AHRR: variants seen among roughly 807,000 people sequenced by gnomAD.
The protein encoded by AHRR is aryl hydrocarbon receptor repressor, also known as ahR repressor.
In AHRR, 28 loss-of-function variants were observed where a neutral mutation model predicts 44.0. The observed-to-expected ratio is 0.64, with a 90% CI of 0.47 to 0.87. AHRR has a LOEUF of 0.87. AHRR is among the 40% of genes least tolerant of loss of function. The pLI, the probability that AHRR is intolerant of heterozygous loss-of-function variation, is 0.00. For missense variants in AHRR, 990 were observed against 953.9 expected (o/e 1.04, Z -0.50); for synonymous variants, 434 against 407.0 (o/e 1.07, Z -0.80).
chr5:374,664 A>G (rs1743714626), intron 3 of AHRR, among the ~76,000 whole-genome samples: 1 of 152,192 alleles, frequency 6.6e-6, no homozygotes, highest in South Asian at 2.1e-4. Context: ...AGGGAGGGGA[A>G]CAGAGAGGCC....
At chr5:351,362 C>T (rs1303647750) in intron 2 of AHRR, among the ~76,000 whole-genome samples, 2 of 152,222 alleles carry the variant, frequency 1.3e-5, no homozygotes, top group Non-Finnish European at 1.5e-5. Flanking sequence ...AAACGTCCAT[C>T]AGCAGATAGA....
At chr5:415,615 G>C (rs1356264072) in intron 5 of AHRR, among the ~76,000 whole-genome samples, 2 of 148,496 alleles carry the variant, frequency 1.3e-5, no homozygotes, top group African/African-American at 5.1e-5. Flanking sequence ...CTGGTGGGGC[G>C]GGAGGCCTAG....
chr5:342,214 A>C lies in AHRR; in HGVS notation c.-10-1679A>C, dbSNP rs1181362645. Among the ~76,000 whole-genome samples, 1 of 152,120 alleles carries C rather than the reference A, an allele frequency of 6.6e-6. No homozygotes were observed. The highest frequency in any genetic ancestry group is 2.4e-5 in the African/African-American group (1 of 41,422). ...TTAATTCAAGTCTGTTGTCGTTTGG[A>C]TATTCTGTATCCTTACTGATTTTAT... On this transcript the variant is annotated intron_variant, in intron 1 of 10. Coordinates refer to ENST00000684583, the MANE Select transcript of AHRR (RefSeq NM_001377236.1). This position sits in a 1 kb window ranked among gnomAD's most constrained non-coding sequence, Gnocchi z 4.3.
At chr5:329,343 G>A (rs527968564) in intron 1 of AHRR, among the ~76,000 whole-genome samples, 1 of 152,016 alleles carries the variant, frequency 6.6e-6, no homozygotes, top group East Asian at 1.9e-4. Context: ...GACTATGGGT[G>A]TGTGCCACCA....
chr5:375,881 A>G (rs997632848), intron 3 of AHRR, among the ~76,000 whole-genome samples: 2 of 152,202 alleles, frequency 1.3e-5, no homozygotes. Context: ...TGAACGTGTC[A>G]TCTGTCCCCT....
intron 3 of AHRR, among the ~76,000 whole-genome samples, chr5:376,054 G>A (rs56692820): frequency 0.019 from 2,048 of 109,778 alleles, 25 homozygotes; most frequent in Admixed American, 0.034. Flanking sequence ...GGCCTGGCCT[G>A]CTTCTCACTA....
intron 5 of AHRR, among the ~76,000 whole-genome samples, chr5:420,040 T>G (rs1252766462): frequency 2.0e-5 from 3 of 152,078 alleles, no homozygotes; most frequent in Admixed American, 6.6e-5. Flanking sequence ...CTGGAGACCC[T>G]TTGGAAACAC....
chr5:422,040 C>T (rs1169547776), intron 5 of AHRR, among the ~76,000 whole-genome samples: 1 of 152,164 alleles, frequency 6.6e-6, no homozygotes, highest in Non-Finnish European at 1.5e-5. Context: ...GTGCAGATGC[C>T]TGACTTTCTT....
chr5:403,703 C>G lies in AHRR; in HGVS notation c.352-9641C>G, dbSNP rs1482190741. On this transcript the variant is annotated intron_variant, in intron 4 of 10. Transcript: ENST00000684583. ...TGGTATTTTTTTTTTTTTACTTTCT[C>G]TCAGAGGCATATTTTTCCGTATTAA... 3.1e-5 allele frequency: 21 copies of G among 673,572 alleles called. 1 individual carries two copies. In the South Asian group the frequency reaches 4.9e-4, roughly 16 times the overall value. The allele number at this position is 673,572 out of a possible 1,614,324, so 41.7% of individuals were successfully genotyped here.
At position 398,199 on chromosome 5, in the gene AHRR, AGCTCCTGACCATCCACG is replaced by A. The variant is rs1287875612; in HGVS notation, c.352-15144_352-15128del. Among the ~76,000 whole-genome samples the A allele has an allele frequency of 1.1e-3, 135 of 126,944 alleles. 8 individuals carry two copies. Among genetic ancestry groups the A allele is most frequent in the Admixed American group, 1.7e-3 (22 of 12,656 alleles). 83.3% of individuals were successfully genotyped at this position (126,944 alleles called of 152,430 possible). A position where few individuals can be genotyped will look rare whatever the true frequency, so the allele number is the denominator to read the frequency against. ...CCACGTAGCTCCTGACCATCCACGTAGCTCCTGACCATCCACGTAGCTCCTGACCATCCATGTTAGCC... is the reference window on the plus strand; with the variant it reads ...CCACGTAGCTCCTGACCATCCACGTATAGCTCCTGACCATCCATGTTAGCC... On this transcript the variant is annotated intron_variant, in intron 4 of 10. Coordinates refer to ENST00000684583, the MANE Select transcript of AHRR (RefSeq NM_001377236.1).
chr5:400,072 C>T (rs974195201), intron 4 of AHRR, among the ~76,000 whole-genome samples: 2 of 152,160 alleles, frequency 1.3e-5, no homozygotes, highest in Non-Finnish European at 2.9e-5. Flanking sequence ...TGACTAGCCG[C>T]CGTGTTGTGG....
chr5:403,889 G>T, intron 4 of AHRR: 1 of 1,587,214 alleles, frequency 6.3e-7, no homozygotes, highest in South Asian at 1.1e-5. Context: ...ACAGCTTGTG[G>T]CCTAGATGAG....
At position 387,246 on chromosome 5, in the gene AHRR, T is replaced by C; in HGVS notation, c.351+10530T>C. On this transcript the variant is annotated intron_variant, in intron 4 of 10. Coordinates refer to ENST00000684583, the MANE Select transcript of AHRR (RefSeq NM_001377236.1). This position sits in a 1 kb window ranked among gnomAD's most constrained non-coding sequence, Gnocchi z 5.1. The stretch of plus-strand genomic sequence containing the variant: ...GGGTCCTGTCTCCTGCTCTCTCCTC[T>C]GCTTACGTCCCCCACCCTGCTGCCT... Among the ~76,000 whole-genome samples the C allele has an allele frequency of 6.6e-6, 1 of 152,264 alleles. No homozygotes were observed. The highest frequency in any genetic ancestry group is 1.9e-4 in the East Asian group (1 of 5,208).
At chr5:412,196 C>T (rs1042903277) in intron 4 of AHRR, among the ~76,000 whole-genome samples, 5 of 152,030 alleles carry the variant, frequency 3.3e-5, no homozygotes, top group African/African-American at 9.7e-5. Flanking sequence ...ATAACATACA[C>T]GAATGAATTT....
At chr5:393,782 C>T (rs1308982088) in intron 4 of AHRR, among the ~76,000 whole-genome samples, 2 of 152,114 alleles carry the variant, frequency 1.3e-5, no homozygotes, top group Admixed American at 6.5e-5. Context: ...GGATTATAGG[C>T]GTATGCCACA....
At chr5:414,281 T>TAA (rs200474713) in intron 5 of AHRR, among the ~76,000 whole-genome samples, 5 of 151,606 alleles carry the variant, frequency 3.3e-5, no homozygotes, top group African/African-American at 9.7e-5. Flanking sequence ...AAATAAAAAA[T>TAA]AAAAAAATCC....
At position 380,909 on chromosome 5, in the gene AHRR, G is replaced by A. The variant is rs183140473; in HGVS notation, c.351+4193G>A. On this transcript the variant is annotated intron_variant, in intron 4 of 10. Coordinates refer to ENST00000684583, the MANE Select transcript of AHRR (RefSeq NM_001377236.1). ...AAGCTGGTAGTGTGGCTCAGTCCAA[G>A]TCTGGAAGCCCCAGAACTAGAGAAG... 1.1e-3 allele frequency among the ~76,000 whole-genome samples: 161 copies of A among 152,246 alleles called. 1 individual carries two copies. The highest frequency in any genetic ancestry group is 1.7e-3 in the Non-Finnish European group (119 of 68,048).
At chr5:351,981 G>A (rs942841281) in intron 2 of AHRR, among the ~76,000 whole-genome samples, 1 of 152,262 alleles carries the variant, frequency 6.6e-6, no homozygotes, top group Non-Finnish European at 1.5e-5. Context: ...GCTCACTCCT[G>A]TATGTGCCAA....
rs2126554114 is a variant in AHRR at position 434,535 on chromosome 5, A to G, written c.1795A>G (p.Arg599Gly). 1 of 1,610,354 alleles carries G rather than the reference A, an allele frequency of 6.2e-7. No individual in the cohort carries two copies. The highest frequency in any genetic ancestry group is 1.1e-5 in the South Asian group (1 of 90,672). ...HGVRGAQPHG[R>G]ATAGRSRELT... ...CGTGCGGGGGGCTCAGCCCCATGGGAGGGCCACTGCTGGGCGCAGCAGGGA... is the reference window on the plus strand; with the variant it reads ...CGTGCGGGGGGCTCAGCCCCATGGGGGGGCCACTGCTGGGCGCAGCAGGGA... Residue 599 changes from arginine to glycine, a missense_variant, in exon 11 of 11, where the codon AGG becomes GGG. By Grantham distance (125) the Arg-to-Gly change is moderately radical (BLOSUM62 -2). Coordinates refer to ENST00000684583, the MANE Select transcript of AHRR (RefSeq NM_001377236.1).
Sources: allele counts gnomAD v4.1 joint callset (sites outside exome capture counted in the v4.1 genomes callset), GRCh38; gene constraint gnomAD v4.1.1; non-coding constraint Gnocchi (gnomAD v3.1); transcripts MANE v1.5; gene names NCBI Gene and HGNC (gene_info 2026-07-23, HGNC 2026-07-21).